RO60: variants seen among roughly 807,000 people sequenced by gnomAD.
The protein encoded by RO60 is Ro60, Y RNA binding protein.
In RO60, 20 loss-of-function variants were observed where a neutral mutation model predicts 55.3. The ratio of observed to expected loss-of-function variants is 0.36; its 90% CI spans 0.25 to 0.53. The LOEUF is 0.53. RO60 is among the 20% of genes least tolerant of loss of function. The pLI is 0.92. For synonymous variants in RO60, 213 were observed against 213.6 expected (o/e 1.00, Z 0.02); for missense variants, 558 against 646.6 (o/e 0.86, Z 1.49).
Position 193,086,690 on chromosome 1 carries a change from C to A in RO60, c.*1959C>A, listed in dbSNP as rs969330579. 6.6e-6 allele frequency: 1 copy of A among 151,962 alleles called. No individual in the cohort carries two copies. The highest frequency in any genetic ancestry group is 6.6e-5 in the Admixed American group (1 of 15,254). 9.4% of individuals were successfully genotyped at this position (151,962 alleles called of 1,614,324 possible). ...TCAGTTGTGTACTATTTCCATAATA[C>A]TTTTAGACAAATATATCTATAAGTT... is the stretch of plus-strand genomic sequence containing the variant. On this transcript the variant is annotated 3_prime_UTR_variant, in exon 9 of 9. Coordinates refer to ENST00000400968, the MANE Select transcript of RO60 (RefSeq NM_001173524.2).
Position 193,088,008 on chromosome 1 carries a change from G to A in RO60, c.*3277G>A, listed in dbSNP as rs1404286874. The A allele has an allele frequency of 6.6e-6, 1 of 151,746 alleles. No homozygotes were observed. The highest frequency in any genetic ancestry group is 2.4e-5 in the African/African-American group (1 of 41,276). The allele number at this position is 151,746 out of a possible 1,614,324, so 9.4% of individuals were successfully genotyped here. On this transcript the variant is annotated 3_prime_UTR_variant, in exon 9 of 9. Coordinates refer to ENST00000400968, the MANE Select transcript of RO60 (RefSeq NM_001173524.2). The stretch of plus-strand genomic sequence containing the variant: ...AAACAAGCTTATACTCTGAGGAAAT[G>A]CTGTTAACAAACTTTTTTTTTTGAG...
chr1:193,076,876 G>GT, intron 4 of RO60, 37 bp from the exon 5 acceptor site: 2 of 1,588,462 alleles, frequency 1.3e-6, no homozygotes, highest in South Asian at 1.1e-5. Context: ...CATAATCACT[G>GT]TTTTTTGCTA....
downstream of RO60, chr1:193,091,507 C>G (rs1674856296): frequency 1.0e-5 from 7 of 692,154 alleles, no homozygotes; most frequent in East Asian, 2.1e-4. Flanking sequence ...TCAAGTCTTC[C>G]AAGTTTTCAC....
At chr1:193,069,011 A>T (rs1157963554) in intron 1 of RO60, 23 bp from the exon 2 acceptor site, 1 of 1,521,900 alleles carries the variant, frequency 6.6e-7, no homozygotes, top group African/African-American at 1.4e-5. Context: ...TCTAGTTGTA[A>T]TAACATTTTG....
rs775714104 is a variant in RO60 at position 193,077,046 on chromosome 1, T to C, written c.1082T>C (p.Phe361Ser). Residue 361 changes from phenylalanine (F) to serine (S), a missense_variant, in exon 5 of 9, where the codon TTT becomes TCT. Transcript: ENST00000400968. Reference protein sequence around the residue: ...KALDAAFYKTFKTVEPTGKRF... With the variant: ...KALDAAFYKTSKTVEPTGKRF... ...TTGGATGCTGCTTTTTATAAAACAT[T>C]TAAGGTAGTGATATGATTTTTGTTT... The C allele has an allele frequency of 6.2e-7, 1 of 1,607,938 alleles. No homozygotes were observed. Among genetic ancestry groups the C allele is most frequent in the Non-Finnish European group, 8.5e-7 (1 of 1,176,322 alleles).
chr1:193,062,538 TATC>T (rs1558231815), intron 1 of RO60, among the ~76,000 whole-genome samples: 1 of 152,202 alleles, frequency 6.6e-6, no homozygotes, highest in Non-Finnish European at 1.5e-5. Context: ...ATAATTCACA[TATC>T]ATGAAGTTCA....
rs1443131653 is a variant in RO60 at position 193,088,976 on chromosome 1, G to A, written c.*4245G>A. ...TGACAGGAAAGTCACCCACATAGAG[G>A]TTTGGGATGAACCTTTTGCAGATTG... On this transcript the variant is annotated 3_prime_UTR_variant, in exon 9 of 9. Transcript: ENST00000400968. 1 of 152,078 alleles carries A rather than the reference G, an allele frequency of 6.6e-6. No homozygotes were observed. The highest frequency in any genetic ancestry group is 1.9e-4 in the East Asian group (1 of 5,202). The allele number at this position is 152,078 out of a possible 1,614,324, so 9.4% of individuals were successfully genotyped here. A position where few individuals can be genotyped will look rare whatever the true frequency, so the allele number is the denominator to read the frequency against.
chr1:193,080,708 C>T (rs1207365729), intron 5 of RO60, among the ~76,000 whole-genome samples: 1 of 152,206 alleles, frequency 6.6e-6, no homozygotes, highest in African/African-American at 2.4e-5. Flanking sequence ...TTGATACATG[C>T]TACACCATGG....
chr1:193,082,639 T>C lies in RO60; in HGVS notation c.1395T>C (p.Ile465=). ...CAAACACACCTGCTGATGTCTTCAT[T>C]GTATTCACTGATAATGAGACCTTTG... ...QKTNTPADVF[I]VFTDNETFAG... is the part of the protein sequence containing the mutation. The change falls in exon 8 of 9, where the codon ATT becomes ATC. Residue 465 remains isoleucine, a synonymous_variant. Transcript: ENST00000400968. 6.2e-7 allele frequency: 1 copy of C among 1,613,954 alleles called. No homozygotes were observed. Among genetic ancestry groups the C allele is most frequent in the Non-Finnish European group, 8.5e-7 (1 of 1,179,864 alleles).
chr1:193,079,595 A>G (rs1031238297), intron 5 of RO60, among the ~76,000 whole-genome samples: 3 of 152,230 alleles, frequency 2.0e-5, no homozygotes, highest in African/African-American at 7.2e-5. Flanking sequence ...CAGGCAGCAA[A>G]AGAAAAAATA....
In RO60 at chr1:193,084,957, C is replaced by G; in HGVS notation, c.*226C>G. The G allele has an allele frequency of 1.9e-6, 3 of 1,540,212 alleles. No homozygotes were observed. The highest frequency in any genetic ancestry group is 2.6e-6 in the Non-Finnish European group (3 of 1,143,890). On this transcript the variant is annotated 3_prime_UTR_variant, in exon 9 of 9. Coordinates refer to ENST00000400968, the MANE Select transcript of RO60 (RefSeq NM_001173524.2). ...AAATAGCTTCAGGATACTGTAGTTT[C>G]CTCTATCTAATAGAGAACTTTTTGT...
At chr1:193,076,218 G>A (rs2103054608) in intron 3 of RO60, among the ~76,000 whole-genome samples, 178 bp downstream of exon 3, 1 of 151,928 alleles carries the variant, frequency 6.6e-6, no homozygotes, top group South Asian at 2.1e-4. Flanking sequence ...GATGTAGGTG[G>A]CATTTGTGTT....
rs1402688033 is a variant in RO60, at chr1:193,086,530, G to A, written c.*1799G>A. 1 of 152,040 alleles carries A rather than the reference G, an allele frequency of 6.6e-6. No individual in the cohort carries two copies. The highest frequency in any genetic ancestry group is 1.5e-5 in the Non-Finnish European group (1 of 67,990). 9.4% of individuals were successfully genotyped at this position (152,040 alleles called of 1,614,324 possible). A position where few individuals can be genotyped will look rare whatever the true frequency, so the allele number is the denominator to read the frequency against. On this transcript the variant is annotated 3_prime_UTR_variant, in exon 9 of 9. Transcript: ENST00000400968. ...ATATTACGTTCAGATTGAATTTAAAGTTTAAAGAAACTAATAGAATTACGT... is the reference window on the plus strand; with the variant it reads ...ATATTACGTTCAGATTGAATTTAAAATTTAAAGAAACTAATAGAATTACGT...
At chr1:193,091,563 AGAAT>A (rs1674859413), downstream of RO60, 6 of 1,105,330 alleles carry the variant, frequency 5.4e-6, no homozygotes, top group Admixed American at 2.0e-5. Flanking sequence ...TTTCTAATAG[AGAAT>A]GAATGAATAT....
intron 4 of RO60, 95 bp downstream of exon 4, chr1:193,076,742 G>A (rs1673948952): frequency 2.0e-5 from 28 of 1,393,646 alleles, no homozygotes; most frequent in Non-Finnish European, 2.3e-5. Flanking sequence ...AAGGTATTTC[G>A]AGATGTTCAT....
At chr1:193,060,453 G>T (rs1672499237) in intron 1 of RO60, among the ~76,000 whole-genome samples, 1 of 152,006 alleles carries the variant, frequency 6.6e-6, no homozygotes, top group South Asian at 2.1e-4. Context: ...TATTGAAGTC[G>T]TTAAGTGTAT....
In RO60 at chr1:193,059,777, G is replaced by C. The variant is rs1376258133; in HGVS notation, c.-22+1G>C. The C allele has an allele frequency of 7.4e-7, 1 of 1,356,884 alleles. No individual in the cohort carries two copies. The highest frequency in any genetic ancestry group is 1.5e-5 in the African/African-American group (1 of 67,650). The allele number at this position is 1,356,884 out of a possible 1,614,324, so 84.1% of individuals were successfully genotyped here. ...CCAGGGGGTCGGCTGCCAGGTACAG[G>C]TGAGGACATTGCGGGAGGCCGGCTG... On this transcript the variant is annotated splice_donor_variant, in intron 1 of 8. Coordinates refer to ENST00000400968, the MANE Select transcript of RO60 (RefSeq NM_001173524.2). LOFTEE classifies it low-confidence loss of function (5UTR_SPLICE). This position sits in a 1 kb window ranked among gnomAD's most constrained non-coding sequence, Gnocchi z 4.9.
chr1:193,085,166 T>C lies in RO60; in HGVS notation c.*435T>C. 1 of 1,254,432 alleles carries C rather than the reference T, an allele frequency of 8.0e-7. No individual in the cohort carries two copies. Among genetic ancestry groups the C allele is most frequent in the Non-Finnish European group, 1.0e-6 (1 of 996,130 alleles). The allele number at this position is 1,254,432 out of a possible 1,614,324, so 77.7% of individuals were successfully genotyped here. ...ATACTCTGAAATGCACTAGACCATA[T>C]AACTGTGATGAAATATGAAACTCAT... On this transcript the variant is annotated 3_prime_UTR_variant, in exon 9 of 9. Transcript: ENST00000400968.
chr1:193,082,782 G>A, intron 8 of RO60, 74 bp downstream of exon 8: 2 of 891,644 alleles, frequency 2.2e-6, no homozygotes, highest in Non-Finnish European at 3.1e-6. Context: ...TTTTTTTTTT[G>A]GAGACAGGAC....
Sources: allele counts gnomAD v4.1 joint callset (sites outside exome capture counted in the v4.1 genomes callset), GRCh38; gene constraint gnomAD v4.1.1; non-coding constraint Gnocchi (gnomAD v3.1); transcripts MANE v1.5; gene names NCBI Gene and HGNC (gene_info 2026-07-23, HGNC 2026-07-21).